Variants in SPTBN1 observed in about 807,000 individuals in gnomAD.
SPTBN1 encodes spectrin beta chain, non-erythrocytic 1.
In SPTBN1, 32 loss-of-function variants were observed where a neutral mutation model predicts 266.4. The observed-to-expected ratio is 0.12, with a 90% confidence interval of 0.09 to 0.16. The LOEUF is 0.16. Ranked by LOEUF, SPTBN1 falls within the 10% of genes least tolerant of loss-of-function variation. The pLI is 1.00. For synonymous variants in SPTBN1, 1,336 were observed against 1,162.2 expected (o/e 1.15, Z -3.04); for missense variants, 2,296 against 3,067.1 (o/e 0.75, Z 5.94).
intron 30 of SPTBN1, 136 bp downstream of exon 30, chr2:54,658,182 A>C: frequency 9.5e-7 from 1 of 1,048,306 alleles, no homozygotes; most frequent in Non-Finnish European, 1.4e-6. Context: ...AGATCATCTT[A>C]AAATGGGTGG....
intron 1 of SPTBN1, among the ~76,000 whole-genome samples, chr2:54,495,677 T>TTTTTTTTTTTTTTTTTTTTTTTTTTTTTC (rs1668929952): frequency 1.0e-5 from 1 of 100,408 alleles, no homozygotes. Flanking sequence ...TTGCATGTGT[T>TTTTTTTTTTTTTTTTTTTTTTTTTTTTTC]TTTACCTTTA....
chr2:54,622,497 A>G lies in SPTBN1; in HGVS notation c.1064+10A>G, dbSNP rs1678059223. 1.2e-6 allele frequency: 2 copies of G among 1,613,140 alleles called. No homozygotes were observed. The highest frequency in any genetic ancestry group is 1.7e-6 in the Non-Finnish European group (2 of 1,179,334). ...TGGAGAAACCACCCAAGTAAGATGC[A>G]TATTGTAGTGTGATCATTAATATGG... is the stretch of plus-strand genomic sequence containing the variant. On this transcript the variant is annotated intron_variant, in intron 9 of 35. Transcript: ENST00000356805.
intron 1 of SPTBN1, among the ~76,000 whole-genome samples, chr2:54,473,805 A>AT (rs1340964522): frequency 1.3e-5 from 2 of 152,250 alleles, no homozygotes; most frequent in Non-Finnish European, 2.9e-5. Flanking sequence ...TTAGAAAAAC[A>AT]TTCATTTTAA....
chr2:54,473,766 A>G (rs769122091), intron 1 of SPTBN1, among the ~76,000 whole-genome samples: 1 of 152,198 alleles, frequency 6.6e-6, no homozygotes, highest in African/African-American at 2.4e-5. Context: ...TAAATACTCA[A>G]ATGTTCCTTT....
chr2:54,468,422 C>G lies in SPTBN1; in HGVS notation c.-48+11904C>G, dbSNP rs553856463. Among the ~76,000 whole-genome samples the G allele has an allele frequency of 1.3e-4, 20 of 150,332 alleles. 1 individual carries two copies. In the South Asian group the frequency reaches 4.0e-3, roughly 30 times the overall value. The stretch of plus-strand genomic sequence containing the variant: ...AAGCCTTTTTTTTCTGTGCATGTTT[C>G]TTCATCTCACACATACATATTAAGG... On this transcript the variant is annotated intron_variant, in intron 1 of 35. Coordinates refer to ENST00000356805, the MANE Select transcript of SPTBN1 (RefSeq NM_003128.3).
At chr2:54,541,906 A>G (rs1362684693) in intron 2 of SPTBN1, among the ~76,000 whole-genome samples, 5 of 152,232 alleles carry the variant, frequency 3.3e-5, no homozygotes, top group African/African-American at 1.2e-4. Context: ...TACGTGTACC[A>G]CATGAGATGC....
intron 1 of SPTBN1, among the ~76,000 whole-genome samples, chr2:54,481,697 T>C (rs1668114258): frequency 6.6e-6 from 1 of 152,116 alleles, no homozygotes; most frequent in Admixed American, 6.5e-5. Context: ...TTTCAGATAA[T>C]CTTTTGAAGA....
intron 2 of SPTBN1, among the ~76,000 whole-genome samples, chr2:54,583,233 A>G (rs1452901882): frequency 6.6e-6 from 1 of 151,926 alleles, no homozygotes; most frequent in African/African-American, 2.4e-5. Flanking sequence ...GCTTTGCTTG[A>G]TCCTCTCTGT....
At chr2:54,582,357 A>G (rs533140161) in intron 2 of SPTBN1, among the ~76,000 whole-genome samples, 1 of 151,728 alleles carries the variant, frequency 6.6e-6, no homozygotes, top group South Asian at 2.1e-4. Context: ...GATGAATTAC[A>G]CTCCTCCCAG....
At chr2:54,491,271 G>C (rs770510972) in intron 1 of SPTBN1, among the ~76,000 whole-genome samples, 1 of 152,202 alleles carries the variant, frequency 6.6e-6, no homozygotes, top group Non-Finnish European at 1.5e-5. Flanking sequence ...TTTTCACATA[G>C]TAATAGATTG....
intron 1 of SPTBN1, among the ~76,000 whole-genome samples, chr2:54,496,824 G>A (rs1347824103): frequency 6.6e-6 from 1 of 152,210 alleles, no homozygotes; most frequent in Non-Finnish European, 1.5e-5. Flanking sequence ...TTTCTGTAGA[G>A]CAGTTGGTTT....
intron 1 of SPTBN1, among the ~76,000 whole-genome samples, chr2:54,509,344 G>C (rs555294007): frequency 2.0e-5 from 3 of 152,334 alleles, no homozygotes; most frequent in African/African-American, 7.2e-5. Context: ...AACAAAGAGT[G>C]AGTACAGCTG....
chr2:54,568,563 C>A (rs1167454820), intron 2 of SPTBN1, among the ~76,000 whole-genome samples: 1 of 152,026 alleles, frequency 6.6e-6, no homozygotes, highest in Non-Finnish European at 1.5e-5. Flanking sequence ...TAGAAGATTA[C>A]AGGGCTTTAA....
intron 3 of SPTBN1, among the ~76,000 whole-genome samples, chr2:54,601,954 A>G (rs1176861759): frequency 2.0e-5 from 3 of 152,078 alleles, no homozygotes; most frequent in African/African-American, 7.2e-5. Flanking sequence ...TGGGAACTTG[A>G]TTTTGAACTA....
chr2:54,514,786 T>C (rs1475283528), intron 1 of SPTBN1, among the ~76,000 whole-genome samples: 2 of 152,252 alleles, frequency 1.3e-5, no homozygotes, highest in African/African-American at 2.4e-5. Flanking sequence ...AAGAGATCTG[T>C]ACTAACCAAC....
chr2:54,644,732 A>G (rs531723216), intron 20 of SPTBN1, 146 bp downstream of exon 20: 271 of 1,052,846 alleles, frequency 2.6e-4, no homozygotes, highest in Non-Finnish European at 3.4e-4. Context: ...CTCTAACAGC[A>G]TCGTAGAACA....
chr2:54,609,195 C>A (rs1677055804), intron 3 of SPTBN1, among the ~76,000 whole-genome samples: 1 of 152,172 alleles, frequency 6.6e-6, no homozygotes, highest in Non-Finnish European at 1.5e-5. Context: ...GCTTTTACAT[C>A]CTCTTCCGCA....
intron 2 of SPTBN1, among the ~76,000 whole-genome samples, chr2:54,584,206 G>A (rs1192758254): frequency 1.3e-5 from 2 of 152,110 alleles, no homozygotes; most frequent in Non-Finnish European, 2.9e-5. Context: ...TATGCTGTAG[G>A]TTTTCCTTAC....
intron 32 of SPTBN1, chr2:54,663,213 C>T (rs1292787379): frequency 6.6e-6 from 1 of 152,174 alleles, no homozygotes; most frequent in Non-Finnish European, 1.5e-5. Flanking sequence ...GGCCAGTCTA[C>T]CGTTTATCTT....
Sources: allele counts gnomAD v4.1 joint callset (sites outside exome capture counted in the v4.1 genomes callset), GRCh38; gene constraint gnomAD v4.1.1; transcripts MANE v1.5; gene names NCBI Gene and HGNC (gene_info 2026-07-23, HGNC 2026-07-21).